Variants in SPMAP2L observed in about 807,000 individuals in gnomAD.
SPMAP2L encodes the protein sperm microtubule associated protein 2-like.
the SPMAP2L span, chr4:56,595,106 A>G: frequency 4.1e-5 from 66 of 1,611,398 alleles, no homozygotes; most frequent in Non-Finnish European, 5.2e-5. Context: ...TCCTGGGCTT[A>G]TATCAAGATG....
chr4:56,569,367 T>C, the SPMAP2L span, among the ~76,000 whole-genome samples: 2 of 152,222 alleles, frequency 1.3e-5, no homozygotes, highest in African/African-American at 4.8e-5. Flanking sequence ...TAGTACTCAT[T>C]GTGGTTTTGA....
chr4:56,540,261 G>C, the SPMAP2L span, among the ~76,000 whole-genome samples: 2 of 152,022 alleles, frequency 1.3e-5, no homozygotes, highest in African/African-American at 4.8e-5. Flanking sequence ...CCATATCATG[G>C]GCCAGGCATG....
the SPMAP2L span, among the ~76,000 whole-genome samples, chr4:56,577,174 G>A: frequency 6.6e-6 from 1 of 150,720 alleles, no homozygotes; most frequent in East Asian, 1.9e-4. Flanking sequence ...GGAGGCCAAG[G>A]TGGGTGGATC....
chr4:56,569,500 G>GT, the SPMAP2L span, among the ~76,000 whole-genome samples: 866 of 150,514 alleles, frequency 5.8e-3, 9 homozygotes, highest in African/African-American at 0.02. Context: ...TTGCTTTTAA[G>GT]TTTTTTTTTT....
the SPMAP2L span, among the ~76,000 whole-genome samples, chr4:56,605,039 A>G: frequency 2.6e-5 from 4 of 152,238 alleles, no homozygotes; most frequent in African/African-American, 9.6e-5. Context: ...AAAAGATTAC[A>G]TAATGGGTAC....
chr4:56,539,410 C>G, the SPMAP2L span, among the ~76,000 whole-genome samples: 1 of 151,984 alleles, frequency 6.6e-6, no homozygotes, highest in Admixed American at 6.6e-5. Flanking sequence ...ACAATAACCT[C>G]TTTTTATTTT....
chr4:56,537,568 A>G, the SPMAP2L span, among the ~76,000 whole-genome samples: 1 of 152,198 alleles, frequency 6.6e-6, no homozygotes, highest in Non-Finnish European at 1.5e-5. Flanking sequence ...CTTCAAGTAC[A>G]ATGCACCCAA....
the SPMAP2L span, among the ~76,000 whole-genome samples, chr4:56,564,190 G>A: frequency 2.0e-5 from 3 of 149,726 alleles, no homozygotes; most frequent in Non-Finnish European, 2.9e-5. Context: ...CTGGAGTGCA[G>A]TGGCATGATG....
the SPMAP2L span, chr4:56,594,125 T>G: frequency 6.2e-7 from 1 of 1,608,366 alleles, no homozygotes; most frequent in East Asian, 2.2e-5. Context: ...GATCTTTGTT[T>G]GTGAGTCATC....
the SPMAP2L span, among the ~76,000 whole-genome samples, chr4:56,563,234 A>T: frequency 1.3e-5 from 2 of 150,312 alleles, no homozygotes; most frequent in African/African-American, 4.9e-5. Context: ...CTAGGACTAC[A>T]GGCACATGTC....
At chr4:56,595,673 G>T in the SPMAP2L span, 41 of 1,133,124 alleles carry the variant, frequency 3.6e-5, no homozygotes, top group African/African-American at 4.7e-4. Flanking sequence ...GCCCACCCAT[G>T]GAAGTTTATG....
At chr4:56,596,749 T>C in the SPMAP2L span, 1 of 1,141,400 alleles carries the variant, frequency 8.8e-7, no homozygotes, top group Non-Finnish European at 1.2e-6. Context: ...GGAAGAGTGG[T>C]CTGTGGCAGG....
the SPMAP2L span, chr4:56,592,854 G>A: frequency 5.0e-6 from 8 of 1,609,370 alleles, no homozygotes; most frequent in Non-Finnish European, 5.9e-6. Flanking sequence ...TTCGCTCGGA[G>A]GCACATCGGC....
chr4:56,575,373 AT>A, the SPMAP2L span: 2 of 1,079,300 alleles, frequency 1.9e-6, no homozygotes, highest in Non-Finnish European at 2.5e-6. Context: ...TTCTCCTCAC[AT>A]GGAAAATAGA....
At chr4:56,544,382 C>G in the SPMAP2L span, among the ~76,000 whole-genome samples, 1 of 152,082 alleles carries the variant, frequency 6.6e-6, no homozygotes, top group Admixed American at 6.5e-5. Flanking sequence ...CTTGCATATA[C>G]GGTAACCTTT....
chr4:56,584,598 A>T, the SPMAP2L span: 1 of 1,534,872 alleles, frequency 6.5e-7, no homozygotes, highest in Non-Finnish European at 8.7e-7. Flanking sequence ...CCAAACTATC[A>T]TCCTTCAAAA....
chr4:56,580,044 T>C, the SPMAP2L span, among the ~76,000 whole-genome samples: 1 of 152,128 alleles, frequency 6.6e-6, no homozygotes, highest in South Asian at 2.1e-4. Flanking sequence ...TCTCAAAAAA[T>C]CAGACACTTT....
At chr4:56,620,802 T>G in the SPMAP2L span, among the ~76,000 whole-genome samples, 1 of 152,232 alleles carries the variant, frequency 6.6e-6, no homozygotes, top group African/African-American at 2.4e-5. Flanking sequence ...CAGCATGATA[T>G]AAAAATTTTA....
the SPMAP2L span, among the ~76,000 whole-genome samples, chr4:56,575,985 C>T: frequency 2.0e-5 from 3 of 152,156 alleles, no homozygotes; most frequent in Admixed American, 6.5e-5. Context: ...CTTCCTTTTG[C>T]TTTGAAGGCT....
Sources: allele counts gnomAD v4.1 joint callset (sites outside exome capture counted in the v4.1 genomes callset), GRCh38; gene constraint gnomAD v4.1.1; transcripts MANE v1.5; gene names NCBI Gene and HGNC (gene_info 2026-07-23, HGNC 2026-07-21).